The following SHROOM4 variants were observed in gnomAD, a reference collection of about 807,000 sequenced individuals.
The protein encoded by SHROOM4 is protein Shroom4.
In SHROOM4, 17 loss-of-function variants were observed where a neutral mutation model predicts 80.3. That is an observed-to-expected ratio of 0.21 (90% CI 0.14 to 0.32). The LOEUF is 0.32. SHROOM4 is among the 10% of genes least tolerant of loss of function. The pLI is 1.00. For synonymous variants in SHROOM4, 400 were observed against 437.5 expected (o/e 0.91, Z 1.07); for missense variants, 993 against 1,140.3 (o/e 0.87, Z 1.86).
At chrX:50,606,621 G>T (rs938211726) in intron 6 of SHROOM4, among the ~76,000 whole-genome samples, 1 of 108,939 alleles carries the variant, frequency 9.2e-6, no homozygotes, top group Non-Finnish European at 1.9e-5. Context: ...GCACTATAGG[G>T]CATGCAGATG....
At chrX:50,601,907 T>C (rs1378626246) in intron 7 of SHROOM4, among the ~76,000 whole-genome samples, 11 of 111,061 alleles carry the variant, frequency 9.9e-5, no homozygotes, top group Admixed American at 9.5e-4. Flanking sequence ...CCCTGGGTAG[T>C]GAGTTACTTA....
At chrX:50,739,413 A>C (rs1284907663) in intron 1 of SHROOM4, among the ~76,000 whole-genome samples, 3 of 111,408 alleles carry the variant, frequency 2.7e-5, no homozygotes, top group Non-Finnish European at 5.7e-5. Context: ...AATGGGAGAA[A>C]ATTTTTGCAA....
chrX:50,586,175 A>C (rs1181916334), downstream of SHROOM4, among the ~76,000 whole-genome samples: 1 of 111,990 alleles, frequency 8.9e-6, no homozygotes, highest in Non-Finnish European at 1.9e-5. Flanking sequence ...ATAAGTTATC[A>C]TTTATTGTAT....
chrX:50,765,296 A>G (rs1266881752), intron 1 of SHROOM4, among the ~76,000 whole-genome samples: 1 of 112,113 alleles, frequency 8.9e-6, no homozygotes, highest in Admixed American at 9.5e-5. Flanking sequence ...ATATTTCACA[A>G]ATTCATTAGG....
intron 2 of SHROOM4, among the ~76,000 whole-genome samples, chrX:50,659,280 G>T (rs1267996047): frequency 2.7e-5 from 3 of 111,725 alleles, no homozygotes; most frequent in Non-Finnish European, 3.8e-5. Flanking sequence ...AAAGATGCAG[G>T]TGGATCAGAG....
chrX:50,794,647 T>TACACAC (rs55726150), intron 1 of SHROOM4, among the ~76,000 whole-genome samples: 2,322 of 97,175 alleles, frequency 0.024, 69 homozygotes, highest in African/African-American at 0.081. Flanking sequence ...CACACACACA[T>TACACAC]ACACACACAC....
chrX:50,694,543 ATTTTTTTT>A (rs782530547), intron 2 of SHROOM4, among the ~76,000 whole-genome samples: 1 of 12,494 alleles, frequency 8.0e-5, no homozygotes, highest in East Asian at 3.9e-3. Context: ...TTTAAGTTGG[ATTTTTTTT>A]TTTTTTTTTT....
At chrX:50,700,311 T>C (rs1424784402) in intron 1 of SHROOM4, among the ~76,000 whole-genome samples, 1 of 112,495 alleles carries the variant, frequency 8.9e-6, no homozygotes, top group Non-Finnish European at 1.9e-5. Flanking sequence ...AATATCTTTT[T>C]AGCATCTTAG....
chrX:50,641,188 T>C (rs1171656885), intron 2 of SHROOM4, among the ~76,000 whole-genome samples: 2 of 111,971 alleles, frequency 1.8e-5, no homozygotes, highest in African/African-American at 6.5e-5. Context: ...ATATTTGATA[T>C]TGCCCATCAT....
chrX:50,753,328 T>G (rs1454272317), intron 1 of SHROOM4, among the ~76,000 whole-genome samples: 1 of 112,378 alleles, frequency 8.9e-6, no homozygotes, highest in Non-Finnish European at 1.9e-5. Context: ...GAAGGACTGT[T>G]AATGTTACAT....
intron 1 of SHROOM4, among the ~76,000 whole-genome samples, chrX:50,725,733 G>A (rs782566011): frequency 4.4e-5 from 5 of 112,602 alleles, no homozygotes; most frequent in Non-Finnish European, 7.5e-5. Flanking sequence ...GGAACTGTGA[G>A]TCAATTAAAC....
chrX:50,801,282 G>GAGAGAGAGAGAGAGAGAGAT (rs1487666030), intron 1 of SHROOM4, among the ~76,000 whole-genome samples: 4 of 106,981 alleles, frequency 3.7e-5, no homozygotes, highest in African/African-American at 1.4e-4. Context: ...GAGAGAGAGA[G>GAGAGAGAGAGAGAGAGAGAT]AGAGAGAGAA....
At chrX:50,624,983 C>T (rs1369191835) in intron 5 of SHROOM4, among the ~76,000 whole-genome samples, 2 of 111,179 alleles carry the variant, frequency 1.8e-5, no homozygotes, top group Non-Finnish European at 3.8e-5. Flanking sequence ...ATAATAGGTC[C>T]CATCAAACTG....
intron 1 of SHROOM4, among the ~76,000 whole-genome samples, chrX:50,761,474 ATGGTATCTCATTGTGGTTT>A (rs1258720730): frequency 2.5e-4 from 28 of 112,068 alleles, no homozygotes; most frequent in African/African-American, 8.7e-4. Flanking sequence ...ACTGGTTAAG[ATGGTATCTCATTGTGGTTT>A]TGATTTGCAT....
chrX:50,662,362 G>A (rs1932539120), intron 2 of SHROOM4, among the ~76,000 whole-genome samples: 1 of 110,544 alleles, frequency 9.0e-6, no homozygotes, highest in African/African-American at 3.3e-5. Flanking sequence ...TTAGCCAGGT[G>A]TGGTGGGGTG....
chrX:50,716,673 C>T (rs1223265037), intron 1 of SHROOM4, among the ~76,000 whole-genome samples: 1 of 111,746 alleles, frequency 8.9e-6, no homozygotes, highest in East Asian at 2.8e-4. Flanking sequence ...GGCCACACAG[C>T]TAATATGAAC....
intron 1 of SHROOM4, among the ~76,000 whole-genome samples, chrX:50,726,690 G>A (rs1350570878): frequency 8.8e-6 from 1 of 113,205 alleles, no homozygotes; most frequent in East Asian, 2.8e-4. Flanking sequence ...GTGCACAGCA[G>A]ATAAGAGCTG....
At chrX:50,653,770 T>C (rs1932204915) in intron 2 of SHROOM4, among the ~76,000 whole-genome samples, 1 of 111,979 alleles carries the variant, frequency 8.9e-6, no homozygotes, top group Non-Finnish European at 1.9e-5. Context: ...GTTTTTAGCA[T>C]GAAGGGTGTT....
At chrX:50,597,063 C>T in intron 8 of SHROOM4, 99 bp from the exon 9 acceptor site, 6 of 1,012,529 alleles carry the variant, frequency 5.9e-6, no homozygotes, top group Non-Finnish European at 8.1e-6. Flanking sequence ...TGCCACAAAG[C>T]AGCTATACAT....
Sources: allele counts gnomAD v4.1 joint callset (sites outside exome capture counted in the v4.1 genomes callset), GRCh38; gene constraint gnomAD v4.1.1; transcripts MANE v1.5; gene names NCBI Gene and HGNC (gene_info 2026-07-23, HGNC 2026-07-21).